Variants in ASMTL observed in about 807,000 individuals in gnomAD.
ASMTL encodes the protein probable bifunctional dTTP/UTP pyrophosphatase/methyltransferase protein.
Under a neutral mutation model 60.3 loss-of-function variants are expected in ASMTL, and 57 were observed. The ratio of observed to expected loss-of-function variants is 0.95; its 90% CI spans 0.76 to 1.18. ASMTL has a LOEUF of 1.18. ASMTL is among the 50% of genes most tolerant of loss of function. ASMTL has a pLI of 0.00. For missense variants in ASMTL, 981 were observed against 852.6 expected (o/e 1.15, Z -1.88); for synonymous variants, 419 against 373.0 (o/e 1.12, Z -1.42).
chrX:1,433,205 C>T (rs1431240369), intron 5 of ASMTL, among the ~76,000 whole-genome samples: 2 of 152,056 alleles, frequency 1.3e-5, no homozygotes, highest in African/African-American at 2.4e-5. Context: ...CGAAAGCAGG[C>T]GTTTTGCTAT....
intron 6 of ASMTL, among the ~76,000 whole-genome samples, chrX:1,428,407 C>A (rs1368057380): frequency 2.0e-5 from 3 of 151,528 alleles, no homozygotes; most frequent in Non-Finnish European, 4.4e-5. Context: ...TTTGGGAGGC[C>A]GAGACGGGTG....
intron 12 of ASMTL, among the ~76,000 whole-genome samples, chrX:1,406,606 A>G (rs9803400): frequency 0.97 from 146,745 of 151,282 alleles, 71,333 homozygotes; most frequent in East Asian, 1. Flanking sequence ...GTGAATAGAT[A>G]GGTAGGTAGG....
chrX:1,416,478 CATACAG>C lies in ASMTL; in HGVS notation c.1522+1489_1522+1494del, dbSNP rs773931879. ...AGATGGACACGCAGACACACATGGA[CATACAG>C]ATACAGCGACAGGCACACACACACG... On this transcript the variant is annotated intron_variant, in intron 11 of 12. Coordinates refer to ENST00000381317, the MANE Select transcript of ASMTL (RefSeq NM_004192.4). 2.1e-3 allele frequency among the ~76,000 whole-genome samples: 322 copies of C among 150,740 alleles called. 13 individuals are homozygous for C. Among genetic ancestry groups the C allele is most frequent in the Admixed American group, 0.018 (272 of 15,166 alleles).
chrX:1,438,590 T>C (rs1487919460), intron 3 of ASMTL, among the ~76,000 whole-genome samples: 1 of 152,188 alleles, frequency 6.6e-6, no homozygotes, highest in Non-Finnish European at 1.5e-5. Flanking sequence ...CTCGGCTCAC[T>C]GCAACCCCGC....
At chrX:1,444,495 C>G (rs1406869725) in intron 1 of ASMTL, among the ~76,000 whole-genome samples, 1 of 152,154 alleles carries the variant, frequency 6.6e-6, no homozygotes, top group Non-Finnish European at 1.5e-5. Context: ...AGATGTGAGC[C>G]TCTGCGCCCA....
chrX:1,416,873 ACAGACACG>A (rs2090300309), intron 11 of ASMTL, among the ~76,000 whole-genome samples: 1 of 151,512 alleles, frequency 6.6e-6, no homozygotes, highest in African/African-American at 2.4e-5. Context: ...ACATATATCC[ACAGACACG>A]CAGACACACA....
At chrX:1,403,819 G>A (rs766734103) in intron 12 of ASMTL, among the ~76,000 whole-genome samples, 2 of 152,296 alleles carry the variant, frequency 1.3e-5, no homozygotes, top group East Asian at 1.9e-4. Flanking sequence ...ATAGGTGGAC[G>A]CATGGATGAG....
intron 10 of ASMTL, 169 bp from the exon 11 acceptor site, chrX:1,418,285 C>G (rs1444929223): frequency 2.1e-5 from 6 of 284,594 alleles, no homozygotes; most frequent in Admixed American, 6.5e-5. Flanking sequence ...CAAGACTGTA[C>G]AAGCAGGTGA....
intron 11 of ASMTL, among the ~76,000 whole-genome samples, chrX:1,415,496 G>C (rs1332941840): frequency 2.3e-5 from 3 of 129,244 alleles, no homozygotes; most frequent in African/African-American, 8.7e-5. Context: ...ATGGAGTTTC[G>C]CTCTTGTTGC....
At position 1,412,904 on chromosome X, in the gene ASMTL, T is replaced by C; in HGVS notation, c.1523-50A>G. ...CGTCCGTCAGGTATGGAAGAAGCAG[T>C]CCTCCCCGGACAGATCCTGGGACGG... On this transcript the variant is annotated intron_variant, in intron 11 of 12. Transcript: ENST00000381317. The C allele has an allele frequency of 2.5e-6, 4 of 1,609,646 alleles. No homozygotes were observed. The South Asian group carries it at 4.4e-5, about 18-fold the overall frequency.
At chrX:1,405,610 GTAGGTAGATAGATGAA>G (rs1272214148) in intron 12 of ASMTL, among the ~76,000 whole-genome samples, 2 of 151,630 alleles carry the variant, frequency 1.3e-5, no homozygotes, top group African/African-American at 2.4e-5. Flanking sequence ...TAGATGATGG[GTAGGTAGATAGATGAA>G]TGGATGGATA....
intron 1 of ASMTL, among the ~76,000 whole-genome samples, chrX:1,444,500 C>T (rs1322726156): frequency 5.3e-5 from 8 of 152,250 alleles, no homozygotes; most frequent in South Asian, 2.1e-4. Context: ...TGAGCCTCTG[C>T]GCCCAGGCTC....
Position 1,432,711 on chromosome X carries a change from C to T in ASMTL, c.401-334G>A, listed in dbSNP as rs1350117786. Among the ~76,000 whole-genome samples the T allele has an allele frequency of 3.3e-5, 5 of 152,206 alleles. No homozygotes were observed. The East Asian group carries it at 7.7e-4, about 24-fold the overall frequency. On this transcript the variant is annotated intron_variant, in intron 5 of 12. Coordinates refer to ENST00000381317, the MANE Select transcript of ASMTL (RefSeq NM_004192.4). ...AGGCCTGGTAGTAGGTGCCTGTAGT[C>T]CCAGCTACTCGGGAGGCTGAGGCAG...
chrX:1,435,751 C>T lies in ASMTL; in HGVS notation c.281G>A (p.Gly94Glu). 6.2e-7 allele frequency: 1 copy of T among 1,613,640 alleles called. No individual in the cohort carries two copies. Among genetic ancestry groups the T allele is most frequent in the Non-Finnish European group, 8.5e-7 (1 of 1,179,774 alleles). Residue 94 changes from glycine to glutamate, a missense_variant, in exon 4 of 13, where the codon GGG becomes GAG. By Grantham distance (98) the Gly-to-Glu change is moderately conservative (BLOSUM62 -2). Transcript: ENST00000381317. ...CACCGGCTTCTCCAGAATCAGCCCCCCGACTGTCTGTGAGAGGAAGGGACA... is the reference window on the plus strand; with the variant it reads ...CACCGGCTTCTCCAGAATCAGCCCCTCGACTGTCTGTGAGAGGAAGGGACA... ...VIGADTIVTV[G>E]GLILEKPVDK...
chrX:1,448,827 C>G (rs1369603322), intron 1 of ASMTL, among the ~76,000 whole-genome samples: 1 of 152,148 alleles, frequency 6.6e-6, no homozygotes, highest in African/African-American at 2.4e-5. Context: ...GCACTGCCAT[C>G]TTGGACATGC....
chrX:1,413,235 G>A (rs1370823061), intron 11 of ASMTL: 10 of 194,434 alleles, frequency 5.1e-5, no homozygotes, highest in African/African-American at 6.9e-5. Flanking sequence ...GGTGGCGGGC[G>A]CCTGTCATCC....
In ASMTL at chrX:1,419,496, C is replaced by T. The variant is rs756802152; in HGVS notation, c.1246-382G>A. Among the ~76,000 whole-genome samples, 10 of 152,240 alleles carry T rather than the reference C, an allele frequency of 6.6e-5. No homozygotes were observed. The South Asian group carries it at 1.9e-3, about 28-fold the overall frequency. On this transcript the variant is annotated intron_variant, in intron 9 of 12. Transcript: ENST00000381317. ...AGAAGCCACAATGTCTCTGCAGGTG[C>T]CCCGGCTCAGCCTTCACCACAATGG...
At chrX:1,404,507 T>C (rs1330507436) in intron 12 of ASMTL, among the ~76,000 whole-genome samples, 2 of 148,890 alleles carry the variant, frequency 1.3e-5, no homozygotes, top group African/African-American at 5.0e-5. Flanking sequence ...GATGGGTGAA[T>C]AGATAGTAGA....
chrX:1,417,906 C>A, intron 11 of ASMTL, 67 bp downstream of exon 11: 1 of 1,535,146 alleles, frequency 6.5e-7, no homozygotes, highest in Non-Finnish European at 8.8e-7. Flanking sequence ...CACAGCCATG[C>A]CCTCTGTCTA....
Sources: allele counts gnomAD v4.1 joint callset (sites outside exome capture counted in the v4.1 genomes callset), GRCh38; gene constraint gnomAD v4.1.1; transcripts MANE v1.5; gene names NCBI Gene and HGNC (gene_info 2026-07-23, HGNC 2026-07-21).